GSTZ1: variants seen among roughly 807,000 people sequenced by gnomAD.
GSTZ1 encodes the protein glutathione S-transferase zeta 1, also known as maleylacetoacetate isomerase.
In GSTZ1, 34 loss-of-function variants were observed where a neutral mutation model predicts 35.9. That is an observed-to-expected ratio of 0.95 (90% CI 0.72 to 1.26). The LOEUF is 1.26. Among genes scored for constraint, GSTZ1 ranks in the 50% most tolerant of loss-of-function variants. The probability of loss-of-function intolerance (pLI) is 0.00; values close to 1 mark genes in which losing one functional copy is unlikely to be tolerated. For missense variants in GSTZ1, 263 were observed against 271.7 expected, an observed-to-expected ratio of 0.97 and a Z score of 0.23; for synonymous variants, 93 against 101.2, an observed-to-expected ratio of 0.92 and a Z score of 0.49.
chr14:77,330,753 GAT>G (rs956218521), intron 8 of GSTZ1, among the ~76,000 whole-genome samples: 3 of 152,142 alleles, frequency 2.0e-5, no homozygotes, highest in African/African-American at 4.8e-5. Flanking sequence ...AGGCGTTAGG[GAT>G]ATGGAAACGT....
chr14:77,331,393 G>A lies in GSTZ1; in HGVS notation c.*198G>A, dbSNP rs1204620760. ...GTGGGGTGGAGTAGGGAGATGCGGG[G>A]AGCAGGGTGGGCAGGAATACTGTTA... On this transcript the variant is annotated 3_prime_UTR_variant, in exon 9 of 9. Coordinates refer to ENST00000216465, the MANE Select transcript of GSTZ1 (RefSeq NM_145870.3). The A allele has an allele frequency of 3.4e-6, 2 of 586,182 alleles. No individual in the cohort carries two copies. The highest frequency in any genetic ancestry group is 2.8e-5 in the East Asian group (1 of 35,148). 36.3% of individuals were successfully genotyped at this position (586,182 alleles called of 1,614,324 possible). A position where few individuals can be genotyped will look rare whatever the true frequency, so the allele number is the denominator to read the frequency against.
At chr14:77,322,763 C>G (rs1049020343) in intron 1 of GSTZ1, 1 of 966,654 alleles carries the variant, frequency 1.0e-6, no homozygotes, top group African/African-American at 1.8e-5. Context: ...GACTGCTGGG[C>G]TTGGGAACCA....
chr14:77,331,038 C>T, intron 8 of GSTZ1, 31 bp from the exon 9 acceptor site: 1 of 1,607,092 alleles, frequency 6.2e-7, no homozygotes, highest in Non-Finnish European at 8.5e-7. Flanking sequence ...TCCCTGAAAA[C>T]CTTAGCTTAG....
intron 8 of GSTZ1, among the ~76,000 whole-genome samples, chr14:77,330,662 A>G (rs749426353): frequency 1.3e-5 from 2 of 152,106 alleles, no homozygotes; most frequent in Non-Finnish European, 2.9e-5. Context: ...GTCTGTGAGC[A>G]GTAGTGAGCT....
chr14:77,331,121 C>G lies in GSTZ1; in HGVS notation c.577C>G (p.Leu193Val). 6.2e-7 allele frequency: 1 copy of G among 1,614,034 alleles called. No homozygotes were observed. The highest frequency in any genetic ancestry group is 1.3e-5 in the African/African-American group (1 of 75,046). The change falls in exon 9 of 9, where the codon CTG becomes GTG. Residue 193 changes from leucine (L) to valine (V), a missense_variant. Physicochemically the swap from Leu to Val is conservative, Grantham distance 32. Coordinates refer to ENST00000216465, the MANE Select transcript of GSTZ1 (RefSeq NM_145870.3). The stretch of plus-strand genomic sequence containing the variant: ...TACCATCAGCTCCATCAACAAGAGG[C>G]TGCTGGTCTTGGAGGCCTTCCAGGT... Reference protein sequence around the residue: ...YPTISSINKRLLVLEAFQVSH... With the variant: ...YPTISSINKRVLVLEAFQVSH...
intron 1 of GSTZ1, chr14:77,324,433 A>C: frequency 3.0e-6 from 2 of 665,746 alleles, no homozygotes; most frequent in Middle Eastern, 2.6e-4. Context: ...GGCGTGAGCC[A>C]CTGTGCCTGG....
In GSTZ1 at chr14:77,324,855, CCTCT is replaced by C; in HGVS notation, c.16-9_16-6del. On this transcript the variant is annotated splice_polypyrimidine_tract_variant and intron_variant, in intron 1 of 8. Coordinates refer to ENST00000216465, the MANE Select transcript of GSTZ1 (RefSeq NM_145870.3). ...AGCATGGGTTAACACGCGCCTTCATCCTCTCTCTCCTCAGCCCATCCTCTATTCC... is the reference window on the plus strand; with the variant it reads ...AGCATGGGTTAACACGCGCCTTCATCCTCTCCTCAGCCCATCCTCTATTCC... The C allele has an allele frequency of 1.2e-6, 2 of 1,613,608 alleles. No homozygotes were observed. The highest frequency in any genetic ancestry group is 8.5e-7 in the Non-Finnish European group (1 of 1,179,468).
At chr14:77,324,980 GC>G in intron 2 of GSTZ1, 59 bp downstream of exon 2, 1 of 1,430,290 alleles carries the variant, frequency 7.0e-7, no homozygotes, top group Non-Finnish European at 9.9e-7. Context: ...GGGCGGATAA[GC>G]CCGGGTGCAA....
intron 7 of GSTZ1, 178 bp downstream of exon 7, chr14:77,329,985 C>CT: frequency 1.5e-6 from 1 of 652,392 alleles, no homozygotes; most frequent in Non-Finnish European, 2.8e-6. Context: ...AGGTAGAAGA[C>CT]TGGCTGTGAG....
rs775605527 is a variant in GSTZ1 at position 77,326,793 on chromosome 14, G to A, written c.68-45G>A. 66 of 1,399,228 alleles carry A rather than the reference G, an allele frequency of 4.7e-5. 1 individual carries two copies. The South Asian group carries it at 6.3e-4, about 13-fold the overall frequency. The allele number at this position is 1,399,228 out of a possible 1,614,324, so 86.7% of individuals were successfully genotyped here. A position where few individuals can be genotyped will look rare whatever the true frequency, so the allele number is the denominator to read the frequency against. ...GAAGGGCTCTTTCCTTTAAGAGTAC[G>A]GCGAGAGGCTGTTCTTTGACTCCGC... is the stretch of plus-strand genomic sequence containing the variant. On this transcript the variant is annotated intron_variant, in intron 2 of 8. Coordinates refer to ENST00000216465, the MANE Select transcript of GSTZ1 (RefSeq NM_145870.3).
At position 77,324,527 on chromosome 14, in the gene GSTZ1, C is replaced by G. The variant is rs958383490; in HGVS notation, c.16-343C>G. ...TCCCCATTGGCTCCTGAAATCCACC[C>G]CTTTAGGTTTCCTTTCCCTGCTCAG... On this transcript the variant is annotated intron_variant, in intron 1 of 8. Coordinates refer to ENST00000216465, the MANE Select transcript of GSTZ1 (RefSeq NM_145870.3). The G allele has an allele frequency of 5.2e-6, 7 of 1,348,580 alleles. No homozygotes were observed. In the African/African-American group the frequency reaches 1.0e-4, roughly 19 times the overall value. 83.5% of individuals were successfully genotyped at this position (1,348,580 alleles called of 1,614,324 possible).
chr14:77,322,011 G>T (rs1000790982), intron 1 of GSTZ1, among the ~76,000 whole-genome samples: 2 of 152,180 alleles, frequency 1.3e-5, no homozygotes, highest in African/African-American at 4.8e-5. Context: ...GGTGGAACGG[G>T]CTCGAGAATC....
At chr14:77,327,393 G>T in intron 3 of GSTZ1, 79 bp from the exon 4 acceptor site, 1 of 828,078 alleles carries the variant, frequency 1.2e-6, no homozygotes, top group East Asian at 2.6e-5. Context: ...TGGCAGGCCT[G>T]GGGTTCTCCT....
At position 77,321,158 on chromosome 14, in the gene GSTZ1, C is replaced by T. The variant is rs2234954; in HGVS notation, c.-11C>T. The T allele has an allele frequency of 1.3e-4, 189 of 1,455,546 alleles. 1 individual carries two copies. The African/African-American group carries it at 2.5e-3, about 19-fold the overall frequency. The allele number at this position is 1,455,546 out of a possible 1,614,324, so 90.2% of individuals were successfully genotyped here. ...TCTCGGCCTGGAGGAGGGGGTCGCG[C>T]GAAGTGCCAGATGCAGGCGGGGAAG... On this transcript the variant is annotated 5_prime_UTR_variant, in exon 1 of 9. Transcript: ENST00000216465.
At chr14:77,324,692 T>G in intron 1 of GSTZ1, 178 bp from the exon 2 acceptor site, 1 of 1,278,786 alleles carries the variant, frequency 7.8e-7, no homozygotes, top group Non-Finnish European at 1.1e-6. Context: ...CAAACCAGCA[T>G]AATTTTGGAG....
At position 77,324,603 on chromosome 14, in the gene GSTZ1, C is replaced by G. The variant is rs909608298; in HGVS notation, c.16-267C>G. Reference sequence around the variant, plus strand: ...TGGGAGGCTGAGGGTCACCACGATACCATGACAGAGTCTGGCAAGGTATGG... The same window carrying G: ...TGGGAGGCTGAGGGTCACCACGATAGCATGACAGAGTCTGGCAAGGTATGG... On this transcript the variant is annotated intron_variant, in intron 1 of 8. Transcript: ENST00000216465. The G allele has an allele frequency of 3.8e-5, 58 of 1,534,086 alleles. No individual in the cohort carries two copies. The East Asian group carries it at 1.2e-3, about 33-fold the overall frequency.
Position 77,324,930 on chromosome 14 carries a change from T to A in GSTZ1, c.67+9T>A, listed in dbSNP as rs1892240588. On this transcript the variant is annotated intron_variant, in intron 2 of 8. Coordinates refer to ENST00000216465, the MANE Select transcript of GSTZ1 (RefSeq NM_145870.3). Reference sequence around the variant, plus strand: ...ATGGAGAGTTCGAATTGGTAAGAGATGTGCCTCCTCCAGGATGAGTGCTGG... The same window carrying A: ...ATGGAGAGTTCGAATTGGTAAGAGAAGTGCCTCCTCCAGGATGAGTGCTGG... The A allele has an allele frequency of 6.2e-7, 1 of 1,610,520 alleles. No homozygotes were observed. The highest frequency in any genetic ancestry group is 8.5e-7 in the Non-Finnish European group (1 of 1,176,802).
intron 2 of GSTZ1, chr14:77,325,744 A>T (rs947400384): frequency 6.6e-6 from 1 of 151,966 alleles, no homozygotes; most frequent in Non-Finnish European, 1.5e-5. Context: ...ATCCTCCGTG[A>T]CCCCTCCTCC....
At chr14:77,321,381 A>G (rs1265360106) in intron 1 of GSTZ1, 198 bp downstream of exon 1, 1 of 1,530,500 alleles carries the variant, frequency 6.5e-7, no homozygotes, top group East Asian at 2.5e-5. Flanking sequence ...GTTGGGCCAG[A>G]GGAGGCGGTC....
Sources: allele counts gnomAD v4.1 joint callset (sites outside exome capture counted in the v4.1 genomes callset), GRCh38; gene constraint gnomAD v4.1.1; transcripts MANE v1.5; gene names NCBI Gene and HGNC (gene_info 2026-07-23, HGNC 2026-07-21).